The following KLF5 variants were observed in gnomAD, a reference collection of about 807,000 sequenced individuals.
KLF5 encodes Krueppel-like factor 5.
In KLF5, 9 loss-of-function variants were observed where a neutral mutation model predicts 36.9. That is an observed-to-expected ratio of 0.24 (90% CI 0.15 to 0.43). KLF5 has a LOEUF of 0.43. KLF5 is among the 20% of genes least tolerant of loss of function. KLF5 has a pLI of 1.00. For missense variants in KLF5, 524 were observed against 599.5 expected (o/e 0.87, Z 1.31); for synonymous variants, 246 against 241.7 (o/e 1.02, Z -0.17).
intron 1 of KLF5, chr13:73,059,866 C>A: frequency 1.1e-6 from 1 of 939,806 alleles, no homozygotes; most frequent in Non-Finnish European, 1.3e-6. Context: ...TGGGTGCTCA[C>A]GCGCACCTTA....
intron 3 of KLF5, among the ~76,000 whole-genome samples, 162 bp downstream of exon 3, chr13:73,064,045 A>G (rs2044661341): frequency 6.8e-6 from 1 of 146,120 alleles, no homozygotes; most frequent in Non-Finnish European, 1.5e-5. Flanking sequence ...TTCAGAATTC[A>G]GTTCCATGAG....
At chr13:73,069,161 G>A (rs1435791103) in intron 3 of KLF5, among the ~76,000 whole-genome samples, 1 of 152,076 alleles carries the variant, frequency 6.6e-6, no homozygotes, top group African/African-American at 2.4e-5. Flanking sequence ...TTCATTGCAG[G>A]TACTTACTAA....
chr13:73,064,004 T>TA (rs1555336988), intron 3 of KLF5, 121 bp downstream of exon 3: 12 of 589,476 alleles, frequency 2.0e-5, no homozygotes, highest in African/African-American at 3.8e-5. Flanking sequence ...TTTTTTTTTT[T>TA]AAATAGCCTA....
In KLF5 at chr13:73,076,867, A is replaced by G. The variant is rs1293146354; in HGVS notation, c.*981A>G. On this transcript the variant is annotated 3_prime_UTR_variant, in exon 4 of 4. Coordinates refer to ENST00000377687, the MANE Select transcript of KLF5 (RefSeq NM_001730.5). ...GTTGAATTGATGATGCAGTTTTCAT[A>G]TATCGAGATGTTCGCTCGTGCAGTA... 6.6e-6 allele frequency: 1 copy of G among 152,224 alleles called. No individual in the cohort carries two copies. Among genetic ancestry groups the G allele is most frequent in the Non-Finnish European group, 1.5e-5 (1 of 68,036 alleles). 9.4% of individuals were successfully genotyped at this position (152,224 alleles called of 1,614,324 possible). A position where few individuals can be genotyped will look rare whatever the true frequency, so the allele number is the denominator to read the frequency against.
chr13:73,070,022 T>C lies in KLF5; in HGVS notation c.1196-5686T>C, dbSNP rs1258125483. On this transcript the variant is annotated intron_variant, in intron 3 of 3. Coordinates refer to ENST00000377687, the MANE Select transcript of KLF5 (RefSeq NM_001730.5). ...GGCCTACATCGTTTCTAGTGAAAGA[T>C]TAGAAATAATGTCCTACTTTAGTAA... Among the ~76,000 whole-genome samples, 3 of 152,312 alleles carry C rather than the reference T, an allele frequency of 2.0e-5. No individual in the cohort carries two copies. In the East Asian group the frequency reaches 5.8e-4, roughly 29 times the overall value.
At chr13:73,064,112 C>T (rs930690073) in intron 3 of KLF5, among the ~76,000 whole-genome samples, 1 of 151,580 alleles carries the variant, frequency 6.6e-6, no homozygotes, top group African/African-American at 2.4e-5. Context: ...CTTGCCCTGT[C>T]ACCGCTCAGA....
Position 73,062,401 on chromosome 13 carries a change from T to A in KLF5, c.802T>A (p.Ser268Thr), listed in dbSNP as rs142923337. Reference protein sequence around the residue: ...AAMAGLNTHTSAVPQTAVKQF... With the variant: ...AAMAGLNTHTTAVPQTAVKQF... ...CATGGCAGGCCTTAACACACACACC[T>A]CTGCTGTTCCGCAGACTGCAGTGAA... The change falls in exon 2 of 4, where the codon TCT becomes ACT. Residue 268 changes from serine to threonine, a missense_variant. Ser to Thr is a moderately conservative substitution (Grantham distance 58). Transcript: ENST00000377687. 2.5e-6 allele frequency: 4 copies of A among 1,614,042 alleles called. No individual in the cohort carries two copies. The highest frequency in any genetic ancestry group is 2.5e-6 in the Non-Finnish European group (3 of 1,180,026).
At position 73,064,472 on chromosome 13, in the gene KLF5, G is replaced by GT. The variant is rs764732853; in HGVS notation, c.1195+589_1195+590insT. Among the ~76,000 whole-genome samples, 243 of 152,266 alleles carry GT rather than the reference G, an allele frequency of 1.6e-3. 2 individuals carry two copies. The highest frequency in any genetic ancestry group is 7.8e-4 in the Non-Finnish European group (53 of 68,030). On this transcript the variant is annotated intron_variant, in intron 3 of 3. Transcript: ENST00000377687. The stretch of plus-strand genomic sequence containing the variant: ...TGTGAGAGACTTGATCTTTATTCTA[G>GT]CTTACATTCATTCTTGTTTACATAT...
At chr13:73,068,532 C>A (rs1288359591) in intron 3 of KLF5, among the ~76,000 whole-genome samples, 2 of 146,984 alleles carry the variant, frequency 1.4e-5, no homozygotes, top group Admixed American at 6.8e-5. Flanking sequence ...GGCAAAACCC[C>A]ATCTCCACTA....
At position 73,062,789 on chromosome 13, in the gene KLF5, GTC is replaced by G. The variant is rs1491040825; in HGVS notation, c.1135+57_1135+58del. On this transcript the variant is annotated intron_variant, in intron 2 of 3. Transcript: ENST00000377687. ...ATAGATGTAGTGTGTGTGTGTGTGT[GTC>G]TGTGTGCGCGCGCGTGTGCGTGTGT... 1.8e-5 allele frequency: 27 copies of G among 1,489,424 alleles called. 1 individual carries two copies. Among genetic ancestry groups the G allele is most frequent in the Middle Eastern group, 3.5e-4 (2 of 5,702 alleles). The allele number at this position is 1,489,424 out of a possible 1,614,324, so 92.3% of individuals were successfully genotyped here.
chr13:73,075,652 T>A, intron 3 of KLF5, 56 bp from the exon 4 acceptor site: 1 of 1,426,948 alleles, frequency 7.0e-7, no homozygotes, highest in Non-Finnish European at 9.6e-7. Flanking sequence ...TCCGGTGTTA[T>A]CTAGGATGTT....
At chr13:73,074,550 C>T (rs2044746090) in intron 3 of KLF5, among the ~76,000 whole-genome samples, 1 of 152,124 alleles carries the variant, frequency 6.6e-6, no homozygotes, top group Non-Finnish European at 1.5e-5. Flanking sequence ...TTAATGCTCA[C>T]TGAAAGAACG....
intron 3 of KLF5, among the ~76,000 whole-genome samples, chr13:73,071,908 A>C (rs2044724943): frequency 6.6e-6 from 1 of 152,230 alleles, no homozygotes; most frequent in Non-Finnish European, 1.5e-5. Flanking sequence ...TTTGCAAGGC[A>C]TTTAGTACAG....
intron 3 of KLF5, among the ~76,000 whole-genome samples, chr13:73,064,784 C>A (rs567429158): frequency 6.6e-6 from 1 of 152,122 alleles, no homozygotes; most frequent in Non-Finnish European, 1.5e-5. Context: ...CATCTTTATC[C>A]ACCTGCCTCG....
Position 73,062,436 on chromosome 13 carries a change from G to C in KLF5, c.837G>C (p.Gln279His). 1 of 1,614,182 alleles carries C rather than the reference G, an allele frequency of 6.2e-7. No homozygotes were observed. The highest frequency in any genetic ancestry group is 8.5e-7 in the Non-Finnish European group (1 of 1,180,026). The change falls in exon 2 of 4, where the codon CAG becomes CAC. Residue 279 changes from glutamine to histidine, a missense_variant. By Grantham distance (24) the Gln-to-His change is conservative. Coordinates refer to ENST00000377687, the MANE Select transcript of KLF5 (RefSeq NM_001730.5). Reference sequence around the variant, plus strand: ...CGCAGACTGCAGTGAAACAATTCCAGGGCATGCCCCCTTGCACATACACAA... The same window carrying C: ...CGCAGACTGCAGTGAAACAATTCCACGGCATGCCCCCTTGCACATACACAA... ...AVPQTAVKQF[Q>H]GMPPCTYTMP...
chr13:73,070,223 G>A (rs2044712781), intron 3 of KLF5, among the ~76,000 whole-genome samples: 1 of 152,086 alleles, frequency 6.6e-6, no homozygotes, highest in Non-Finnish European at 1.5e-5. Flanking sequence ...TTTATGAAAA[G>A]GTAAACCTTT....
chr13:73,069,178 C>T (rs2139113527), intron 3 of KLF5, among the ~76,000 whole-genome samples: 1 of 152,218 alleles, frequency 6.6e-6, no homozygotes, highest in Non-Finnish European at 1.5e-5. Context: ...CTAAAAGCAA[C>T]ATTCAGTGTT....
chr13:73,070,298 T>C (rs1486527946), intron 3 of KLF5, among the ~76,000 whole-genome samples: 2 of 152,202 alleles, frequency 1.3e-5, no homozygotes, highest in Non-Finnish European at 2.9e-5. Context: ...GGGAAGGTTA[T>C]CTAGTACTCA....
At chr13:73,062,872 AG>A in intron 2 of KLF5, 138 bp downstream of exon 2, 9 of 615,654 alleles carry the variant, frequency 1.5e-5, no homozygotes, top group Non-Finnish European at 1.9e-5. Flanking sequence ...TGTACTTGAC[AG>A]TAAAAAAAAA....
Sources: allele counts gnomAD v4.1 joint callset (sites outside exome capture counted in the v4.1 genomes callset), GRCh38; gene constraint gnomAD v4.1.1; transcripts MANE v1.5; gene names NCBI Gene and HGNC (gene_info 2026-07-23, HGNC 2026-07-21).